The following SIPA1L1 variants were observed in gnomAD, a reference collection of about 807,000 sequenced individuals.
The protein encoded by SIPA1L1 is signal-induced proliferation-associated 1-like protein 1.
In SIPA1L1, 26 loss-of-function variants were observed where a neutral mutation model predicts 162.7. That is an observed-to-expected ratio of 0.16 (90% confidence interval 0.12 to 0.22). The LOEUF (loss-of-function observed/expected upper bound fraction) is 0.22, where lower values mean the gene tolerates loss of function less well. Among genes scored for constraint, SIPA1L1 ranks in the 10% least tolerant of loss-of-function variants. The pLI is 1.00. For synonymous variants in SIPA1L1, 829 were observed against 837.4 expected, an observed-to-expected ratio of 0.99 and a Z score of 0.17; for missense variants, 1,874 against 2,241.0, an observed-to-expected ratio of 0.84 and a Z score of 3.31.
intron 2 of SIPA1L1, among the ~76,000 whole-genome samples, chr14:71,470,606 A>G (rs990959034): frequency 3.9e-5 from 6 of 152,240 alleles, no homozygotes; most frequent in South Asian, 2.1e-4. Flanking sequence ...CTTGTAGGTC[A>G]TTGGATGTTT....
chr14:71,541,235 A>G (rs141627291), intron 4 of SIPA1L1, among the ~76,000 whole-genome samples: 149 of 152,330 alleles, frequency 9.8e-4, no homozygotes, highest in African/African-American at 3.3e-3. Context: ...TTATTGGATC[A>G]TTTATTAAAT....
chr14:71,499,409 G>A (rs1209335347), intron 2 of SIPA1L1, among the ~76,000 whole-genome samples: 1 of 152,150 alleles, frequency 6.6e-6, no homozygotes, highest in Non-Finnish European at 1.5e-5. Flanking sequence ...ATTTATATAA[G>A]CACAACATCT....
chr14:71,543,715 T>G (rs1416024706), intron 4 of SIPA1L1, among the ~76,000 whole-genome samples: 5 of 150,910 alleles, frequency 3.3e-5, no homozygotes, highest in Admixed American at 2.0e-4. Flanking sequence ...TTTTTTTTTT[T>G]GCAGTGTCTT....
chr14:71,694,179 C>G (rs1249579754), intron 13 of SIPA1L1, among the ~76,000 whole-genome samples: 3 of 151,958 alleles, frequency 2.0e-5, no homozygotes, highest in Admixed American at 6.6e-5. Flanking sequence ...TGAGTTGATT[C>G]ATGGAATAGG....
intron 2 of SIPA1L1, among the ~76,000 whole-genome samples, chr14:71,355,249 G>A (rs1354876565): frequency 6.6e-6 from 1 of 152,192 alleles, no homozygotes; most frequent in Non-Finnish European, 1.5e-5. Context: ...CCAAGTAATT[G>A]TATAGGACTT....
At chr14:71,579,749 T>G (rs1027752312) in intron 4 of SIPA1L1, among the ~76,000 whole-genome samples, 4 of 152,264 alleles carry the variant, frequency 2.6e-5, no homozygotes, top group African/African-American at 9.6e-5. Context: ...GTTCACCCAT[T>G]GTTCTTATGC....
At chr14:71,419,036 C>T (rs1288057078) in intron 2 of SIPA1L1, among the ~76,000 whole-genome samples, 1 of 152,148 alleles carries the variant, frequency 6.6e-6, no homozygotes, top group Non-Finnish European at 1.5e-5. Flanking sequence ...TATGGGTGGG[C>T]AGCCCTTCCG....
intron 4 of SIPA1L1, among the ~76,000 whole-genome samples, chr14:71,530,882 G>A (rs938297721): frequency 1.3e-5 from 2 of 152,140 alleles, no homozygotes; most frequent in Non-Finnish European, 2.9e-5. Context: ...AAATCGTAAG[G>A]GAGTTTAGAA....
intron 12 of SIPA1L1, among the ~76,000 whole-genome samples, chr14:71,679,867 T>C (rs1013127147): frequency 2.0e-5 from 3 of 152,148 alleles, no homozygotes; most frequent in Non-Finnish European, 2.9e-5. Context: ...GGGATCAATT[T>C]AACAAGAAGA....
intron 5 of SIPA1L1, among the ~76,000 whole-genome samples, chr14:71,610,566 G>A (rs1408168212): frequency 6.6e-6 from 1 of 152,022 alleles, no homozygotes; most frequent in Non-Finnish European, 1.5e-5. Context: ...ATAACTATTG[G>A]CCATTTGTCA....
At chr14:71,364,962 G>A (rs2038149344) in intron 2 of SIPA1L1, among the ~76,000 whole-genome samples, 1 of 152,038 alleles carries the variant, frequency 6.6e-6, no homozygotes, top group African/African-American at 2.4e-5. Flanking sequence ...GGCCAGGCTG[G>A]TCTCGAATTC....
chr14:71,612,170 A>G (rs538400291), intron 5 of SIPA1L1, among the ~76,000 whole-genome samples: 1 of 152,204 alleles, frequency 6.6e-6, no homozygotes, highest in East Asian at 1.9e-4. Flanking sequence ...AATGGAAAAG[A>G]TTTTATTTTT....
At chr14:71,653,404 C>CA (rs1485573718) in intron 8 of SIPA1L1, among the ~76,000 whole-genome samples, 2 of 152,164 alleles carry the variant, frequency 1.3e-5, no homozygotes, top group Non-Finnish European at 2.9e-5. Flanking sequence ...ACTCAAGACT[C>CA]AAAGGGACCC....
chr14:71,659,496 G>T (rs1293643386), intron 9 of SIPA1L1, among the ~76,000 whole-genome samples: 1 of 152,146 alleles, frequency 6.6e-6, no homozygotes, highest in Non-Finnish European at 1.5e-5. Flanking sequence ...TCCCTGATCT[G>T]TACTTTGTTG....
In SIPA1L1 at chr14:71,733,718, G is replaced by A; in HGVS notation, c.4914G>A (p.Arg1638=). The change falls in exon 21 of 24, where the codon AGG becomes AGA. Residue 1638 remains arginine (R), a synonymous_variant. Coordinates refer to ENST00000381232, the MANE Select transcript of SIPA1L1 (RefSeq NM_001386936.1). ...SSLTDIQETR[R]QPMPDPGLMP... ...TCACTGACATCCAGGAGACCCGCAGGCAGCCTATGCCCGACCCTGGCCTGA... is the reference window on the plus strand; with the variant it reads ...TCACTGACATCCAGGAGACCCGCAGACAGCCTATGCCCGACCCTGGCCTGA... The A allele has an allele frequency of 6.2e-7, 1 of 1,613,910 alleles. No homozygotes were observed. The highest frequency in any genetic ancestry group is 8.5e-7 in the Non-Finnish European group (1 of 1,180,020).
At chr14:71,548,677 G>T (rs908278398) in intron 4 of SIPA1L1, among the ~76,000 whole-genome samples, 3 of 151,922 alleles carry the variant, frequency 2.0e-5, no homozygotes, top group Admixed American at 1.3e-4. Flanking sequence ...TGATCGGATC[G>T]CTTGAGGCCA....
chr14:71,564,360 TTTCTTC>T (rs1277897991), intron 4 of SIPA1L1, among the ~76,000 whole-genome samples: 2 of 151,678 alleles, frequency 1.3e-5, no homozygotes, highest in African/African-American at 2.4e-5. Flanking sequence ...TTTTTTTCTT[TTTCTTC>T]TTTTTTTTTT....
chr14:71,492,718 A>T (rs532872075), intron 2 of SIPA1L1, among the ~76,000 whole-genome samples: 2 of 151,996 alleles, frequency 1.3e-5, no homozygotes, highest in South Asian at 4.2e-4. Flanking sequence ...TCAATCTCCC[A>T]GGCTCAAGCG....
At chr14:71,641,493 C>T (rs1408632494) in intron 7 of SIPA1L1, among the ~76,000 whole-genome samples, 9 of 152,096 alleles carry the variant, frequency 5.9e-5, no homozygotes, top group East Asian at 1.9e-4. Context: ...GAGGCCGAGG[C>T]GGGCAGATCA....
Sources: gnomAD v4.1 joint callset for allele counts (sites outside exome capture counted in the v4.1 genomes callset) on GRCh38, gnomAD v4.1.1 for gene constraint, MANE v1.5 for transcripts, NCBI Gene and HGNC (gene_info 2026-07-23, HGNC 2026-07-21) for gene names.